The following KLHL29 variants were observed in gnomAD, a reference collection of about 807,000 sequenced individuals.
The protein encoded by KLHL29 is kelch like family member 29.
In KLHL29, 21 loss-of-function variants were observed where a neutral mutation model predicts 80.4. The observed-to-expected ratio is 0.26, with a 90% CI of 0.19 to 0.38. The LOEUF is 0.38. Ranked by LOEUF, KLHL29 falls within the 10% of genes least tolerant of loss-of-function variation. The pLI, the probability that KLHL29 is intolerant of heterozygous loss-of-function variation, is 1.00. For synonymous variants in KLHL29, 511 were observed against 526.8 expected (o/e 0.97, Z 0.41); for missense variants, 867 against 1,223.9 (o/e 0.71, Z 4.35).
chr2:23,500,792 C>G (rs912703738), intron 2 of KLHL29, among the ~76,000 whole-genome samples: 1 of 152,214 alleles, frequency 6.6e-6, no homozygotes, highest in African/African-American at 2.4e-5. Context: ...CCCCTTGCGA[C>G]AATTTATAAA....
At chr2:23,521,219 G>A (rs1235105694) in intron 2 of KLHL29, among the ~76,000 whole-genome samples, 2 of 152,110 alleles carry the variant, frequency 1.3e-5, no homozygotes, top group Non-Finnish European at 2.9e-5. Flanking sequence ...ATTCCTTGTG[G>A]CCATGCAGAA....
At chr2:23,411,258 G>A (rs1294978413) in intron 1 of KLHL29, among the ~76,000 whole-genome samples, 1 of 152,144 alleles carries the variant, frequency 6.6e-6, no homozygotes, top group Non-Finnish European at 1.5e-5. Flanking sequence ...ATGTAGCAAA[G>A]GTTGAGGACA....
In KLHL29 at chr2:23,696,421, C is replaced by A; in HGVS notation, c.2013C>A (p.Val671=). The A allele has an allele frequency of 2.6e-6, 4 of 1,551,334 alleles. No individual in the cohort carries two copies. The highest frequency in any genetic ancestry group is 3.5e-6 in the Non-Finnish European group (4 of 1,146,756). The stretch of plus-strand genomic sequence containing the variant: ...GGAACCTCGTCTCCAGAATGACAGT[C>A]CCCCGCTGTCGGCACAATAGCCTCG... The part of the protein sequence containing the change: ...DNWNLVSRMT[V]PRCRHNSLVY... The change falls in exon 11 of 14, where the codon GTC becomes GTA. Residue 671 remains valine (V), a synonymous_variant. Coordinates refer to ENST00000486442, the MANE Select transcript of KLHL29 (RefSeq NM_052920.2). This position sits in a 1 kb window ranked among gnomAD's most constrained non-coding sequence, Gnocchi z 5.5.
At chr2:23,395,238 A>G (rs190370807) in intron 1 of KLHL29, among the ~76,000 whole-genome samples, 1 of 152,300 alleles carries the variant, frequency 6.6e-6, no homozygotes, top group East Asian at 1.9e-4. Context: ...CAGAGCAGAG[A>G]GAACCAAGTT....
intron 2 of KLHL29, among the ~76,000 whole-genome samples, chr2:23,478,110 A>T (rs1664685981): frequency 6.6e-6 from 1 of 152,082 alleles, no homozygotes; most frequent in Admixed American, 6.5e-5. Context: ...TGTGAACTCA[A>T]GTCTGTCTTC....
At chr2:23,589,467 T>C (rs1030144712) in intron 3 of KLHL29, among the ~76,000 whole-genome samples, 1 of 152,174 alleles carries the variant, frequency 6.6e-6, no homozygotes, top group African/African-American at 2.4e-5. Flanking sequence ...TATCCCGGAA[T>C]CCCGCCACCC....
At chr2:23,392,928 A>T (rs986698425) in intron 1 of KLHL29, among the ~76,000 whole-genome samples, 7 of 152,312 alleles carry the variant, frequency 4.6e-5, no homozygotes, top group African/African-American at 1.7e-4. Flanking sequence ...CATGCATGAT[A>T]CCTTTTGGAT....
chr2:23,492,537 C>G (rs1240839829), intron 2 of KLHL29, among the ~76,000 whole-genome samples: 1 of 152,216 alleles, frequency 6.6e-6, no homozygotes, highest in Non-Finnish European at 1.5e-5. Context: ...CAACACAGGC[C>G]TGGTGGGCCG....
intron 3 of KLHL29, among the ~76,000 whole-genome samples, chr2:23,588,388 C>T (rs1474845880): frequency 6.6e-6 from 1 of 152,200 alleles, no homozygotes; most frequent in Non-Finnish European, 1.5e-5. Flanking sequence ...GAGGGCTGCT[C>T]CCCACCCACC....
At chr2:23,484,595 T>C (rs950585386) in intron 2 of KLHL29, among the ~76,000 whole-genome samples, 1 of 152,212 alleles carries the variant, frequency 6.6e-6, no homozygotes, top group Non-Finnish European at 1.5e-5. Flanking sequence ...GGATGTGGGA[T>C]GGCCCCGCCA....
rs1223356271 is a variant in KLHL29 at position 23,701,705 on chromosome 2, AG to A, written c.2106-1480del. On this transcript the variant is annotated intron_variant, in intron 11 of 13. Transcript: ENST00000486442. ...GCATTCTAGCCTAGGCAACAGAGCA[AG>A]ACCCTGCCTCAAACAAACAAACCTT... 3.3e-5 allele frequency among the ~76,000 whole-genome samples: 5 copies of A among 152,136 alleles called. No individual in the cohort carries two copies. In the East Asian group the frequency reaches 9.6e-4, roughly 29 times the overall value.
At chr2:23,608,374 T>C (rs1160352733) in intron 3 of KLHL29, among the ~76,000 whole-genome samples, 1 of 152,120 alleles carries the variant, frequency 6.6e-6, no homozygotes, top group Non-Finnish European at 1.5e-5. Flanking sequence ...GACTTGCAAC[T>C]GAGTATTTCA....
At chr2:23,619,900 A>G (rs1249218190) in intron 3 of KLHL29, among the ~76,000 whole-genome samples, 5 of 152,222 alleles carry the variant, frequency 3.3e-5, no homozygotes, top group Non-Finnish European at 7.3e-5. Context: ...CAAGGAATTC[A>G]TAGTATAAAG....
At chr2:23,474,462 T>A (rs1418189868) in intron 1 of KLHL29, among the ~76,000 whole-genome samples, 3 of 152,334 alleles carry the variant, frequency 2.0e-5, no homozygotes, top group African/African-American at 7.2e-5. Flanking sequence ...TACTCGCCAC[T>A]TTGGTTCTGT....
chr2:23,431,470 C>T (rs1407959047), intron 1 of KLHL29, among the ~76,000 whole-genome samples: 4 of 152,266 alleles, frequency 2.6e-5, no homozygotes, highest in Admixed American at 2.6e-4. Context: ...TCTCCCGTTC[C>T]GGGACTCCCT....
chr2:23,705,902 C>A (rs1278427216), intron 13 of KLHL29, among the ~76,000 whole-genome samples: 1 of 152,168 alleles, frequency 6.6e-6, no homozygotes, highest in Admixed American at 6.6e-5. Flanking sequence ...ACAACAGGAG[C>A]AAGCCAGTGA....
At chr2:23,582,270 A>G (rs185748550) in intron 3 of KLHL29, among the ~76,000 whole-genome samples, 2 of 152,362 alleles carry the variant, frequency 1.3e-5, no homozygotes, top group African/African-American at 2.4e-5. Context: ...TTTAATATAA[A>G]TGCACCCTGA....
intron 1 of KLHL29, among the ~76,000 whole-genome samples, chr2:23,455,522 C>A (rs1244816320): frequency 6.6e-6 from 1 of 151,628 alleles, no homozygotes; most frequent in African/African-American, 2.4e-5. Flanking sequence ...TGCCTTTCTG[C>A]TCTAAGAAGT....
At chr2:23,560,256 G>C (rs1667413647) in intron 2 of KLHL29, among the ~76,000 whole-genome samples, 1 of 140,902 alleles carries the variant, frequency 7.1e-6, no homozygotes, top group Admixed American at 7.1e-5. Context: ...ATGTAATATT[G>C]GATAGGCTTT....
Sources: gnomAD v4.1 joint callset for allele counts (sites outside exome capture counted in the v4.1 genomes callset) on GRCh38, gnomAD v4.1.1 for gene constraint, Gnocchi (gnomAD v3.1) non-coding constraint, MANE v1.5 for transcripts, NCBI Gene and HGNC (gene_info 2026-07-23, HGNC 2026-07-21) for gene names.